FAM8A1: variants seen among roughly 807,000 people sequenced by gnomAD.
FAM8A1 encodes the protein family with sequence similarity 8 member A1.
FAM8A1 carries 18 observed loss-of-function variants against 38.3 expected under a neutral mutation model. The ratio of observed to expected loss-of-function variants is 0.47; its 90% CI spans 0.33 to 0.70. The LOEUF (loss-of-function observed/expected upper bound fraction) is 0.70, where lower values mean the gene tolerates loss of function less well. Ranked by LOEUF, FAM8A1 falls within the 30% of genes least tolerant of loss-of-function variation. The probability of loss-of-function intolerance (pLI) is 0.03; values close to 1 mark genes in which losing one functional copy is unlikely to be tolerated. For synonymous variants in FAM8A1, 246 were observed against 234.4 expected (o/e 1.05, Z -0.45); for missense variants, 559 against 559.6 (o/e 1.00, Z 0.01).
chr6:17,602,784 T>C (rs753756917), intron 2 of FAM8A1, 74 bp downstream of exon 2: 154 of 1,460,914 alleles, frequency 1.1e-4, no homozygotes, highest in Non-Finnish European at 1.3e-4. Flanking sequence ...ATTCTGTTTG[T>C]CTACACGTGA....
At chr6:17,607,717 A>C (rs537515621) in intron 4 of FAM8A1, among the ~76,000 whole-genome samples, 2 of 152,320 alleles carry the variant, frequency 1.3e-5, no homozygotes, top group South Asian at 4.1e-4. Flanking sequence ...CTCCATCCTG[A>C]GTGATTGTTG....
At position 17,600,496 on chromosome 6, in the gene FAM8A1, A is replaced by G. The variant is rs1763964696; in HGVS notation, c.87A>G (p.Arg29=). The G allele has an allele frequency of 5.2e-6, 8 of 1,533,244 alleles. No homozygotes were observed. Among genetic ancestry groups the G allele is most frequent in the Non-Finnish European group, 7.0e-6 (8 of 1,144,518 alleles). The allele number at this position is 1,533,244 out of a possible 1,614,324, so 95.0% of individuals were successfully genotyped here. ...ACCACGAGCCCGTCCCTTCCCTGAG[A>G]GGCCCTCCTACCACCGCCGTCCCAT... is the stretch of plus-strand genomic sequence containing the variant. The part of the protein sequence containing the change: ...GGDHEPVPSL[R]GPPTTAVPCP... Residue 29 remains arginine (R), a synonymous_variant, in exon 1 of 5, where the codon AGA becomes AGG. Transcript: ENST00000259963.
rs1013337003 is a variant in FAM8A1 at position 17,611,522 on chromosome 6, G to A, written c.*3183G>A. 1.9e-4 allele frequency: 29 copies of A among 152,548 alleles called. No individual in the cohort carries two copies. The highest frequency in any genetic ancestry group is 1.5e-5 in the Non-Finnish European group (1 of 68,020). 9.4% of individuals were successfully genotyped at this position (152,548 alleles called of 1,614,324 possible). ...GTCTCCAGTACCACAGGCCACTCTTGACATCCCATGTTTGCCTGGATAAAG... is the reference window on the plus strand; with the variant it reads ...GTCTCCAGTACCACAGGCCACTCTTAACATCCCATGTTTGCCTGGATAAAG... On this transcript the variant is annotated 3_prime_UTR_variant, in exon 5 of 5. Transcript: ENST00000259963.
At chr6:17,601,639 G>T (rs979253548) in intron 1 of FAM8A1, among the ~76,000 whole-genome samples, 5 of 152,136 alleles carry the variant, frequency 3.3e-5, no homozygotes. Context: ...TTGTGTAATT[G>T]TTTTTGCTTC....
intron 1 of FAM8A1, among the ~76,000 whole-genome samples, chr6:17,601,424 C>T (rs1763984643): frequency 1.3e-5 from 2 of 152,208 alleles, no homozygotes; most frequent in Non-Finnish European, 2.9e-5. Flanking sequence ...TTTTCACGCT[C>T]TGCAGTGAGG....
chr6:17,610,383 A>G lies in FAM8A1; in HGVS notation c.*2044A>G, dbSNP rs1764122942. ...ATATGAGTTATTCAGATTAGTATCT[A>G]TGTAGGTTCAGTCAGATCCAACCAT... On this transcript the variant is annotated 3_prime_UTR_variant, in exon 5 of 5. Coordinates refer to ENST00000259963, the MANE Select transcript of FAM8A1 (RefSeq NM_016255.3). The G allele has an allele frequency of 6.6e-6, 1 of 152,174 alleles. No individual in the cohort carries two copies. 9.4% of individuals were successfully genotyped at this position (152,174 alleles called of 1,614,324 possible).
intron 4 of FAM8A1, among the ~76,000 whole-genome samples, chr6:17,606,790 A>G (rs1764058640): frequency 6.6e-6 from 1 of 152,130 alleles, no homozygotes; most frequent in Non-Finnish European, 1.5e-5. Flanking sequence ...CGCTGGGGGA[A>G]GGTACAACCA....
intron 4 of FAM8A1, among the ~76,000 whole-genome samples, chr6:17,607,427 T>C (rs915756572): frequency 2.2e-5 from 3 of 135,566 alleles, no homozygotes; most frequent in African/African-American, 8.0e-5. Context: ...TAGAGACTAT[T>C]GATCTATATC....
At chr6:17,603,023 A>G (rs1196447556) in intron 2 of FAM8A1, among the ~76,000 whole-genome samples, 1 of 152,172 alleles carries the variant, frequency 6.6e-6, no homozygotes, top group East Asian at 1.9e-4. Context: ...TTTACCTCTC[A>G]CTATCCTGTT....
At position 17,609,088 on chromosome 6, in the gene FAM8A1, G is replaced by A. The variant is rs1764099390; in HGVS notation, c.*749G>A. The A allele has an allele frequency of 6.6e-6, 1 of 151,988 alleles. No individual in the cohort carries two copies. The highest frequency in any genetic ancestry group is 1.5e-5 in the Non-Finnish European group (1 of 67,994). 9.4% of individuals were successfully genotyped at this position (151,988 alleles called of 1,614,324 possible). A position where few individuals can be genotyped will look rare whatever the true frequency, so the allele number is the denominator to read the frequency against. On this transcript the variant is annotated 3_prime_UTR_variant, in exon 5 of 5. Transcript: ENST00000259963. ...GTTAGTGATTACTGTTAATGGTGGGGGAGTAAGTTTTCACTGTAAATTGAA... is the reference window on the plus strand; with the variant it reads ...GTTAGTGATTACTGTTAATGGTGGGAGAGTAAGTTTTCACTGTAAATTGAA...
In FAM8A1 at chr6:17,610,105, A is replaced by AT. The variant is rs1173072329; in HGVS notation, c.*1768dup. ...AAAAGAAAAATCTTTCATTTTTAAA[A>AT]TTAGGAGATGTTACGTAACTTGGCA... is the stretch of plus-strand genomic sequence containing the variant. On this transcript the variant is annotated 3_prime_UTR_variant, in exon 5 of 5. Transcript: ENST00000259963. The AT allele has an allele frequency of 6.6e-6, 1 of 152,132 alleles. No individual in the cohort carries two copies. Among genetic ancestry groups the AT allele is most frequent in the Non-Finnish European group, 1.5e-5 (1 of 67,994 alleles). 9.4% of individuals were successfully genotyped at this position (152,132 alleles called of 1,614,324 possible).
chr6:17,601,216 T>TTCTACTCTGCAA, intron 1 of FAM8A1, 95 bp downstream of exon 1: 1 of 1,443,940 alleles, frequency 6.9e-7, no homozygotes, highest in Non-Finnish European at 9.3e-7. Flanking sequence ...TAACTGCTGC[T>TTCTACTCTGCAA]TCTACTCTGA....
intron 3 of FAM8A1, among the ~76,000 whole-genome samples, chr6:17,605,308 T>G (rs1764038181): frequency 6.6e-6 from 1 of 152,158 alleles, no homozygotes; most frequent in African/African-American, 2.4e-5. Context: ...CTCAAACTCC[T>G]GGCCTCAGTG....
At position 17,600,791 on chromosome 6, in the gene FAM8A1, T is replaced by C. The variant is rs1390069253; in HGVS notation, c.382T>C (p.Tyr128His). Residue 128 changes from tyrosine (Y) to histidine (H), a missense_variant, in exon 1 of 5, where the codon TAC becomes CAC. Tyr to His is a moderately conservative substitution (Grantham distance 83). Coordinates refer to ENST00000259963, the MANE Select transcript of FAM8A1 (RefSeq NM_016255.3). ...HEWLWQSYCG[Y>H]LTWHSGLAAF... ...GTGGCTGTGGCAGTCCTACTGCGGC[T>C]ACCTCACCTGGCACAGCGGCCTGGC... 1.2e-6 allele frequency: 2 copies of C among 1,611,126 alleles called. No individual in the cohort carries two copies. The highest frequency in any genetic ancestry group is 1.7e-6 in the Non-Finnish European group (2 of 1,179,690).
At chr6:17,606,815 T>G (rs1157851767) in intron 4 of FAM8A1, among the ~76,000 whole-genome samples, 1 of 152,170 alleles carries the variant, frequency 6.6e-6, no homozygotes, top group African/African-American at 2.4e-5. Context: ...TAATGGAAAC[T>G]GTGGAGGTCA....
Position 17,602,652 on chromosome 6 carries a change from A to C in FAM8A1, c.775A>C (p.Ile259Leu), listed in dbSNP as rs1439932786. 4 of 1,612,256 alleles carry C rather than the reference A, an allele frequency of 2.5e-6. No individual in the cohort carries two copies. Among genetic ancestry groups the C allele is most frequent in the Non-Finnish European group, 3.4e-6 (4 of 1,179,592 alleles). ...RFMAEMVDFF[I>L]LFFIKATIVL... Reference sequence around the variant, plus strand: ...TATGGCAGAGATGGTGGATTTCTTTATTCTCTTCTTTATAAAAGCAACCAT... The same window carrying C: ...TATGGCAGAGATGGTGGATTTCTTTCTTCTCTTCTTTATAAAAGCAACCAT... The change falls in exon 2 of 5, where the codon ATT (isoleucine) becomes CTT (leucine). Residue 259 changes from isoleucine to leucine, a missense_variant. Around this residue, in one of 2 missense-constraint regions of FAM8A1, gnomAD observed 166 missense variants for 220.8 expected, o/e 0.75. Coordinates refer to ENST00000259963, the MANE Select transcript of FAM8A1 (RefSeq NM_016255.3).
chr6:17,605,727 AT>A lies in FAM8A1; in HGVS notation c.958-146del, dbSNP rs1235346683. 6 of 683,330 alleles carry A rather than the reference AT, an allele frequency of 8.8e-6. No homozygotes were observed. In the East Asian group the frequency reaches 1.5e-4, roughly 17 times the overall value. 42.3% of individuals were successfully genotyped at this position (683,330 alleles called of 1,614,324 possible). A position where few individuals can be genotyped will look rare whatever the true frequency, so the allele number is the denominator to read the frequency against. ...ACATGTTAGAGACCTACAGAAATGC[AT>A]AAAGTTAAATGGTTAACTTTTGAGT... is the stretch of plus-strand genomic sequence containing the variant. On this transcript the variant is annotated intron_variant, in intron 3 of 4. Transcript: ENST00000259963.
chr6:17,603,412 T>C (rs958340496), intron 2 of FAM8A1, among the ~76,000 whole-genome samples: 4 of 152,006 alleles, frequency 2.6e-5, no homozygotes, highest in Admixed American at 2.0e-4. Context: ...AGTGACAGAG[T>C]CAAGATACAA....
Position 17,600,327 on chromosome 6 carries a change from G to GT in FAM8A1, c.-82dup, listed in dbSNP as rs1581638203. On this transcript the variant is annotated 5_prime_UTR_variant, in exon 1 of 5. Transcript: ENST00000259963. The stretch of plus-strand genomic sequence containing the variant: ...GTTGACGCCTGCGGTTGCTGCGGTG[G>GT]TGACGGGGCTGTTGGGGAGGGGCCA... The GT allele has an allele frequency of 7.7e-6, 10 of 1,297,996 alleles. No homozygotes were observed. The East Asian group carries it at 3.1e-4, about 41-fold the overall frequency. 80.4% of individuals were successfully genotyped at this position (1,297,996 alleles called of 1,614,324 possible).
Sources: allele counts gnomAD v4.1 joint callset (sites outside exome capture counted in the v4.1 genomes callset), GRCh38; gene constraint gnomAD v4.1.1; regional missense constraint gnomAD v4.1.1; transcripts MANE v1.5; gene names NCBI Gene and HGNC (gene_info 2026-07-23, HGNC 2026-07-21).